ZBTB5: variants seen among roughly 807,000 people sequenced by gnomAD.
The protein encoded by ZBTB5 is zinc finger and BTB domain containing 5.
A neutral mutation model predicts 37.9 loss-of-function variants in ZBTB5; 15 were observed. That is an observed-to-expected ratio of 0.40 (90% confidence interval 0.26 to 0.61). The LOEUF is 0.61. Ranked by LOEUF, ZBTB5 falls within the 20% of genes least tolerant of loss-of-function variation. The pLI is 0.47. For missense variants in ZBTB5, 708 were observed against 856.8 expected, an observed-to-expected ratio of 0.83 and a Z score of 2.17; for synonymous variants, 315 against 312.4, an observed-to-expected ratio of 1.01 and a Z score of -0.09.
rs552135460 is a variant in ZBTB5, at chr9:37,439,618, C to T, written c.*900G>A. 6.6e-6 allele frequency: 1 copy of T among 152,116 alleles called. No homozygotes were observed. The highest frequency in any genetic ancestry group is 2.4e-5 in the African/African-American group (1 of 41,398). 9.4% of individuals were successfully genotyped at this position (152,116 alleles called of 1,614,324 possible). ...GGTAGGATGTGTCAGCCTAGACTGG[C>T]CCTCAACATCTGGACGGAGCAACAG... is the stretch of plus-strand genomic sequence containing the variant. On this transcript the variant is annotated 3_prime_UTR_variant, in exon 2 of 2. Coordinates refer to ENST00000307750, the MANE Select transcript of ZBTB5 (RefSeq NM_014872.3).
chr9:37,446,447 C>T (rs139666586), intron 1 of ZBTB5, among the ~76,000 whole-genome samples: 194 of 152,316 alleles, frequency 1.3e-3, no homozygotes, highest in African/African-American at 4.3e-3. Context: ...AGTTAACTAT[C>T]GGAAAAGCAA....
chr9:37,441,358 T>C lies in ZBTB5; in HGVS notation c.1194A>G (p.Thr398=). ...RVGDIHILEV[T]NNLEHKSTFS... ...AAGTGGACTTATGCTCTAGGTTATT[T>C]GTGACTTCCAAAATATGGATATCAC... is the stretch of plus-strand genomic sequence containing the variant. The change falls in exon 2 of 2, where the codon ACA becomes ACG. Residue 398 remains threonine (T), a synonymous_variant. Coordinates refer to ENST00000307750, the MANE Select transcript of ZBTB5 (RefSeq NM_014872.3). 2 of 1,614,174 alleles carry C rather than the reference T, an allele frequency of 1.2e-6. No homozygotes were observed. The highest frequency in any genetic ancestry group is 2.2e-5 in the South Asian group (2 of 91,084).
chr9:37,441,875 A>G lies in ZBTB5; in HGVS notation c.677T>C (p.Val226Ala). 6.2e-7 allele frequency: 1 copy of G among 1,614,108 alleles called. No homozygotes were observed. Among genetic ancestry groups the G allele is most frequent in the Middle Eastern group, 1.6e-4 (1 of 6,062 alleles). The part of the protein sequence containing the change: ...DVTPENGPSG[V>A]HSREEFFSPD... Reference sequence around the variant, plus strand: ...TGAAAAGAACTCCTCCCGAGAATGAACCCCTGAAGGCCCATTCTCCGGTGT... The same window carrying G: ...TGAAAAGAACTCCTCCCGAGAATGAGCCCCTGAAGGCCCATTCTCCGGTGT... The change falls in exon 2 of 2, where the codon GTT becomes GCT. Residue 226 changes from valine (V) to alanine (A), a missense_variant. Physicochemically the swap from Val to Ala is moderately conservative, Grantham distance 64 (BLOSUM62 0). Transcript: ENST00000307750.
chr9:37,438,188 G>C lies in ZBTB5; in HGVS notation c.*2330C>G, dbSNP rs963806270. 3.9e-5 allele frequency: 6 copies of C among 152,570 alleles called. No homozygotes were observed. Among genetic ancestry groups the C allele is most frequent in the African/African-American group, 1.4e-4 (6 of 41,432 alleles). 9.5% of individuals were successfully genotyped at this position (152,570 alleles called of 1,614,324 possible). A position where few individuals can be genotyped will look rare whatever the true frequency, so the allele number is the denominator to read the frequency against. On this transcript the variant is annotated 3_prime_UTR_variant, in exon 2 of 2. Transcript: ENST00000307750. ...CACCACTGACATGGATGCCTTGATA[G>C]AACTCCTTGATAGAACTTTATGATC...
At chr9:37,459,339 A>C (rs1820608255) in intron 1 of ZBTB5, among the ~76,000 whole-genome samples, 1 of 152,062 alleles carries the variant, frequency 6.6e-6, no homozygotes, top group African/African-American at 2.4e-5. Context: ...ACATGCCTGT[A>C]ATCCCAGCTA....
chr9:37,439,668 C>G lies in ZBTB5; in HGVS notation c.*850G>C, dbSNP rs993245420. The G allele has an allele frequency of 6.6e-6, 1 of 152,172 alleles. No homozygotes were observed. The highest frequency in any genetic ancestry group is 2.4e-5 in the African/African-American group (1 of 41,420). 9.4% of individuals were successfully genotyped at this position (152,172 alleles called of 1,614,324 possible). ...GGTAAATGTGCCATGGAAGACCCCA[C>G]AAAACATGACTCCACATCAGCAGAA... On this transcript the variant is annotated 3_prime_UTR_variant, in exon 2 of 2. Coordinates refer to ENST00000307750, the MANE Select transcript of ZBTB5 (RefSeq NM_014872.3).
In ZBTB5 at chr9:37,440,407, G is replaced by GT. The variant is rs1823840902; in HGVS notation, c.*110dup. ...TTCTCCGGTTATTAGTTGCTAAACT[G>GT]TTTAAGAGCCACTGGGCAGCTGGAA... On this transcript the variant is annotated 3_prime_UTR_variant, in exon 2 of 2. Transcript: ENST00000307750. 8 of 846,098 alleles carry GT rather than the reference G, an allele frequency of 9.5e-6. No individual in the cohort carries two copies. The highest frequency in any genetic ancestry group is 2.6e-5 in the Admixed American group (1 of 38,410). The allele number at this position is 846,098 out of a possible 1,614,324, so 52.4% of individuals were successfully genotyped here.
chr9:37,459,557 C>CTT (rs758214270), intron 1 of ZBTB5, among the ~76,000 whole-genome samples: 1 of 142,240 alleles, frequency 7.0e-6, no homozygotes. Context: ...GATCAAGAAA[C>CTT]TTTTTTTTTT....
At chr9:37,446,910 T>G (rs565064244) in intron 1 of ZBTB5, among the ~76,000 whole-genome samples, 1 of 152,160 alleles carries the variant, frequency 6.6e-6, no homozygotes, top group South Asian at 2.1e-4. Context: ...CAGGGAATTG[T>G]GGTGGGAAGT....
At chr9:37,442,738 A>G (rs1011220997) in intron 1 of ZBTB5, among the ~76,000 whole-genome samples, 183 bp from the exon 2 acceptor site, 2 of 152,244 alleles carry the variant, frequency 1.3e-5, no homozygotes, top group African/African-American at 4.8e-5. Flanking sequence ...CAATTCAGCC[A>G]TCAGCCCAGG....
At chr9:37,459,437 G>A (rs545955743) in intron 1 of ZBTB5, among the ~76,000 whole-genome samples, 1 of 150,516 alleles carries the variant, frequency 6.6e-6, no homozygotes, top group Admixed American at 6.6e-5. Context: ...TCCAGTCTGG[G>A]CAACAAGAGC....
At chr9:37,458,532 C>G (rs561647505) in intron 1 of ZBTB5, among the ~76,000 whole-genome samples, 2 of 152,186 alleles carry the variant, frequency 1.3e-5, no homozygotes, top group South Asian at 2.1e-4. Context: ...ATGAAACAAG[C>G]CTGTTATTTT....
intron 1 of ZBTB5, among the ~76,000 whole-genome samples, chr9:37,453,194 TCTCTC>T (rs1824132116): frequency 6.6e-6 from 1 of 152,182 alleles, no homozygotes; most frequent in Admixed American, 6.5e-5. Context: ...TCTGTCTCTC[TCTCTC>T]TTTAAATAGT....
At chr9:37,462,528 G>C (rs1006462599) in intron 1 of ZBTB5, among the ~76,000 whole-genome samples, 54 of 149,410 alleles carry the variant, frequency 3.6e-4, no homozygotes, top group African/African-American at 1.3e-3. Context: ...CTACACTGTC[G>C]TGCCCACCTT....
At chr9:37,442,810 T>C (rs146947851) in intron 1 of ZBTB5, among the ~76,000 whole-genome samples, 335 of 152,290 alleles carry the variant, frequency 2.2e-3, no homozygotes, top group Middle Eastern at 0.017. Context: ...ATATGAGCCA[T>C]GTATAACACT....
In ZBTB5 at chr9:37,449,991, A is replaced by G. The variant is rs139696846; in HGVS notation, c.-4-7436T>C. Among the ~76,000 whole-genome samples, 299 of 152,254 alleles carry G rather than the reference A, an allele frequency of 2.0e-3. 2 individuals are homozygous for G. Among genetic ancestry groups the G allele is most frequent in the African/African-American group, 6.8e-3 (284 of 41,550 alleles). On this transcript the variant is annotated intron_variant, in intron 1 of 1. Coordinates refer to ENST00000307750, the MANE Select transcript of ZBTB5 (RefSeq NM_014872.3). ...GCCAAGGGGAAAGCCCATTTGCATA[A>G]TAAGATTAGGGTGGAATGGCCAGCC... is the stretch of plus-strand genomic sequence containing the variant.
intron 1 of ZBTB5, among the ~76,000 whole-genome samples, chr9:37,443,344 A>C (rs993977488): frequency 1.3e-5 from 2 of 152,088 alleles, no homozygotes; most frequent in African/African-American, 2.4e-5. Flanking sequence ...AAAAAAAAAA[A>C]AAACACTAAA....
chr9:37,440,984 CCTATCAT>C lies in ZBTB5; in HGVS notation c.1561_1567del (p.Met521ValfsTer16), dbSNP rs758098028. 1 of 1,614,200 alleles carries C rather than the reference CCTATCAT, an allele frequency of 6.2e-7. No individual in the cohort carries two copies. The highest frequency in any genetic ancestry group is 8.5e-7 in the Non-Finnish European group (1 of 1,180,044). ...GTTACTGGCTCCTCCCCTTGGGGAACCTATCATTACCCTGGAGAAGGAGGAGTGGAGG... is the reference window on the plus strand; with the variant it reads ...GTTACTGGCTCCTCCCCTTGGGGAACTACCCTGGAGAAGGAGGAGTGGAGG... On this transcript the variant is annotated frameshift_variant, in exon 2 of 2. Coordinates refer to ENST00000307750, the MANE Select transcript of ZBTB5 (RefSeq NM_014872.3). LOFTEE classifies it high-confidence loss of function.
intron 1 of ZBTB5, among the ~76,000 whole-genome samples, chr9:37,443,290 T>C (rs1823918881): frequency 6.7e-6 from 1 of 148,886 alleles, no homozygotes; most frequent in South Asian, 2.1e-4. Flanking sequence ...ATCACACCAC[T>C]GCACTCCCAG....
Sources: gnomAD v4.1 joint callset for allele counts (sites outside exome capture counted in the v4.1 genomes callset) on GRCh38, gnomAD v4.1.1 for gene constraint, MANE v1.5 for transcripts, NCBI Gene and HGNC (gene_info 2026-07-23, HGNC 2026-07-21) for gene names.